The following ALS2 variants were observed in gnomAD, a reference collection of about 807,000 sequenced individuals.
The protein encoded by ALS2 is alsin Rho guanine nucleotide exchange factor ALS2.
In ALS2, 117 loss-of-function variants were observed where a neutral mutation model predicts 203.4. The ratio of observed to expected loss-of-function variants is 0.58; its 90% CI spans 0.50 to 0.67. The LOEUF (loss-of-function observed/expected upper bound fraction) is 0.67. Ranked by LOEUF, ALS2 falls within the 30% of genes least tolerant of loss-of-function variation. The pLI, the probability that ALS2 is intolerant of heterozygous loss-of-function variation, is 0.00. For synonymous variants in ALS2, 718 were observed against 725.9 expected (o/e 0.99, Z 0.17); for missense variants, 1,715 against 1,989.4 (o/e 0.86, Z 2.62).
intron 3 of ALS2, 39 bp downstream of exon 3, chr2:201,767,190 C>T (rs772408960): frequency 1.9e-6 from 3 of 1,613,374 alleles, no homozygotes; most frequent in Non-Finnish European, 2.5e-6. Context: ...CATTTGTTAG[C>T]ATTGCAGTTC....
intron 12 of ALS2, among the ~76,000 whole-genome samples, chr2:201,737,638 G>A (rs1332711596): frequency 6.6e-6 from 1 of 152,136 alleles, no homozygotes; most frequent in African/African-American, 2.4e-5. Context: ...AAGCAAACAT[G>A]GGGCTGGGCA....
In ALS2 at chr2:201,701,840, T is replaced by C; in HGVS notation, c.*11A>G. 2 of 1,613,474 alleles carry C rather than the reference T, an allele frequency of 1.2e-6. No homozygotes were observed. The highest frequency in any genetic ancestry group is 8.5e-7 in the Non-Finnish European group (1 of 1,179,554). On this transcript the variant is annotated 3_prime_UTR_variant, in exon 34 of 34. Transcript: ENST00000264276. ...GTAGTAGATAATCCAGTTTTCAAGC[T>C]GTTATGCAGCCTAGTTAAGCTTCTC...
chr2:201,714,032 A>C (rs1690212254), intron 25 of ALS2, among the ~76,000 whole-genome samples: 2 of 152,236 alleles, frequency 1.3e-5, no homozygotes, highest in Non-Finnish European at 2.9e-5. Flanking sequence ...CTGCAATCCC[A>C]GCACTTTGTG....
Position 201,746,755 on chromosome 2 carries a change from C to G in ALS2, c.1816-7G>C, listed in dbSNP as rs763440221. The G allele has an allele frequency of 8.1e-6, 13 of 1,613,870 alleles. No homozygotes were observed. The highest frequency in any genetic ancestry group is 8.0e-5 in the African/African-American group (6 of 74,924). ...CTCCATTTTCACTGCTTATCTGCAA[C>G]GACAGAAAGATAGTGTCTGTCCAAG... is the stretch of plus-strand genomic sequence containing the variant. On this transcript the variant is annotated splice_region_variant and splice_polypyrimidine_tract_variant and intron_variant, in intron 8 of 33. Transcript: ENST00000264276.
chr2:201,779,412 A>T (rs1694799930), intron 1 of ALS2, among the ~76,000 whole-genome samples: 1 of 152,266 alleles, frequency 6.6e-6, no homozygotes, highest in Admixed American at 6.5e-5. Context: ...AATAAATTCA[A>T]ACCATGTATA....
intron 30 of ALS2, 93 bp from the exon 31 acceptor site, chr2:201,705,293 AT>A: frequency 6.8e-7 from 1 of 1,475,888 alleles, no homozygotes; most frequent in Non-Finnish European, 9.5e-7. Context: ...GTCTTTGGTA[AT>A]AACAGATGCA....
chr2:201,779,894 A>T (rs1694819703), intron 1 of ALS2: 1 of 152,246 alleles, frequency 6.6e-6, no homozygotes, highest in Non-Finnish European at 1.5e-5. Context: ...ATTATTCATT[A>T]ACTCAAAGGT....
At chr2:201,758,623 T>C (rs1008939237) in intron 4 of ALS2, among the ~76,000 whole-genome samples, 11 of 152,108 alleles carry the variant, frequency 7.2e-5, no homozygotes, top group South Asian at 2.1e-4. Flanking sequence ...ACCAAACACA[T>C]AAAAAAGCTT....
At chr2:201,768,806 T>C (rs1694232226) in intron 2 of ALS2, 60 bp downstream of exon 2, 1 of 1,503,498 alleles carries the variant, frequency 6.7e-7, no homozygotes, top group African/African-American at 1.4e-5. Flanking sequence ...GCTACACATA[T>C]GTGAAGCTGT....
In ALS2 at chr2:201,771,869, C is replaced by A. The variant is rs1188325668; in HGVS notation, c.-60-2924G>T. Among the ~76,000 whole-genome samples, 4 of 152,190 alleles carry A rather than the reference C, an allele frequency of 2.6e-5. No homozygotes were observed. The South Asian group carries it at 8.3e-4, about 32-fold the overall frequency. ...TGCTGCTTTTCTTCTGTTACAGTAA[C>A]TTTCCTGCATAGACCTGTTAACCAG... On this transcript the variant is annotated intron_variant, in intron 1 of 33. Coordinates refer to ENST00000264276, the MANE Select transcript of ALS2 (RefSeq NM_020919.4).
chr2:201,748,790 C>A (rs1692834535), intron 8 of ALS2, among the ~76,000 whole-genome samples: 1 of 152,146 alleles, frequency 6.6e-6, no homozygotes, highest in South Asian at 2.1e-4. Context: ...AAATTAAGTT[C>A]ACCAAAAGGA....
intron 1 of ALS2, among the ~76,000 whole-genome samples, chr2:201,778,079 C>T (rs893582662): frequency 6.6e-6 from 1 of 151,896 alleles, no homozygotes; most frequent in Non-Finnish European, 1.5e-5. Flanking sequence ...AAAATTTAGG[C>T]TGTGGAAGAA....
chr2:201,736,503 A>G (rs536480399), intron 12 of ALS2, among the ~76,000 whole-genome samples: 6 of 152,312 alleles, frequency 3.9e-5, no homozygotes, highest in Non-Finnish European at 7.4e-5. Context: ...GCTACATTAG[A>G]AAAATTTTAA....
intron 12 of ALS2, among the ~76,000 whole-genome samples, chr2:201,735,674 A>C (rs527709839): frequency 4.6e-5 from 7 of 152,346 alleles, no homozygotes; most frequent in Admixed American, 1.3e-4. Context: ...GCTGTGCAAA[A>C]GGCAAGAGGC....
At position 201,732,466 on chromosome 2, in the gene ALS2, G is replaced by T. The variant is rs537698965; in HGVS notation, c.2580+810C>A. ...ACCTGTAATCTCAGCTACTCAGGAG[G>T]CTGAGGCATGAGAATCACTTGAACC... On this transcript the variant is annotated intron_variant, in intron 13 of 33. Coordinates refer to ENST00000264276, the MANE Select transcript of ALS2 (RefSeq NM_020919.4). Among the ~76,000 whole-genome samples, 3 of 152,006 alleles carry T rather than the reference G, an allele frequency of 2.0e-5. No homozygotes were observed. In the East Asian group the frequency reaches 5.8e-4, roughly 29 times the overall value.
At chr2:201,763,385 G>T in intron 3 of ALS2, 1 of 208,294 alleles carries the variant, frequency 4.8e-6, no homozygotes, top group East Asian at 1.1e-4. Flanking sequence ...GGGCTGCACT[G>T]CCACCCTGGC....
intron 13 of ALS2, among the ~76,000 whole-genome samples, chr2:201,729,542 C>T (rs946527642): frequency 6.6e-5 from 10 of 152,022 alleles, no homozygotes; most frequent in Non-Finnish European, 1.5e-4. Flanking sequence ...CATATTAGAA[C>T]ATAAAATTAA....
intron 32 of ALS2, 28 bp downstream of exon 32, chr2:201,704,426 A>C (rs1178416387): frequency 1.2e-6 from 2 of 1,613,644 alleles, no homozygotes; most frequent in Non-Finnish European, 1.7e-6. Context: ...ATAACGACTC[A>C]CTAATAACAA....
At position 201,710,054 on chromosome 2, in the gene ALS2, A is replaced by G. The variant is rs959380671; in HGVS notation, c.4123-16T>C. On this transcript the variant is annotated splice_polypyrimidine_tract_variant and intron_variant, in intron 26 of 33. Transcript: ENST00000264276. ...TGTCACAGGCCTGAGTAGGAAAAGA[A>G]TCAATGAAGTCAGTTGATGTGCATT... is the stretch of plus-strand genomic sequence containing the variant. The G allele has an allele frequency of 3.1e-6, 5 of 1,613,576 alleles. No individual in the cohort carries two copies. The East Asian group carries it at 1.1e-4, about 36-fold the overall frequency.
Sources: allele counts gnomAD v4.1 joint callset (sites outside exome capture counted in the v4.1 genomes callset), GRCh38; gene constraint gnomAD v4.1.1; transcripts MANE v1.5; gene names NCBI Gene and HGNC (gene_info 2026-07-23, HGNC 2026-07-21).